The following COG5 variants were observed in gnomAD, a reference collection of about 807,000 sequenced individuals.
COG5 encodes conserved oligomeric Golgi complex subunit 5.
A neutral mutation model predicts 110.4 loss-of-function variants in COG5; 86 were observed. The observed-to-expected ratio is 0.78, with a 90% CI of 0.65 to 0.93. The LOEUF (loss-of-function observed/expected upper bound fraction) is 0.93, where lower values mean the gene tolerates loss of function less well. Among genes scored for constraint, COG5 ranks in the 40% least tolerant of loss-of-function variants. The pLI is 0.00. For missense variants in COG5, 1,077 were observed against 987.0 expected (o/e 1.09, Z -1.22); for synonymous variants, 360 against 334.6 (o/e 1.08, Z -0.83).
intron 7 of COG5, among the ~76,000 whole-genome samples, chr7:107,408,230 C>T (rs1284390210): frequency 6.6e-6 from 1 of 152,166 alleles, no homozygotes; most frequent in East Asian, 1.9e-4. Flanking sequence ...GTTTTCCTGC[C>T]TCAACAGCAG....
intron 19 of COG5, among the ~76,000 whole-genome samples, chr7:107,213,601 C>A (rs1422140419): frequency 6.6e-6 from 1 of 152,184 alleles, no homozygotes; most frequent in Non-Finnish European, 1.5e-5. Flanking sequence ...ATTGCAGTGG[C>A]CAGCCAGTAG....
intron 6 of COG5, among the ~76,000 whole-genome samples, chr7:107,494,175 A>T (rs1035461752): frequency 7.2e-5 from 11 of 152,290 alleles, no homozygotes; most frequent in Middle Eastern, 3.4e-3. Context: ...ACCTACACAG[A>T]TTGTTATCAA....
chr7:107,314,663 T>A (rs866058222), intron 11 of COG5, among the ~76,000 whole-genome samples: 3 of 150,928 alleles, frequency 2.0e-5, no homozygotes, highest in South Asian at 2.1e-4. Context: ...GCAGGAGAAT[T>A]GCTTGAACCC....
At chr7:107,493,430 T>C (rs1798088394) in intron 6 of COG5, among the ~76,000 whole-genome samples, 1 of 152,182 alleles carries the variant, frequency 6.6e-6, no homozygotes, top group Admixed American at 6.6e-5. Flanking sequence ...AGTAAATCCA[T>C]CAATTAGAAT....
chr7:107,385,935 T>A (rs1790156992), intron 7 of COG5, among the ~76,000 whole-genome samples: 1 of 151,918 alleles, frequency 6.6e-6, no homozygotes, highest in Admixed American at 6.6e-5. Flanking sequence ...CATCTGTATA[T>A]CTTCTTTGGA....
At chr7:107,264,851 C>T (rs1391800213) in intron 14 of COG5, among the ~76,000 whole-genome samples, 1 of 151,948 alleles carries the variant, frequency 6.6e-6, no homozygotes, top group Non-Finnish European at 1.5e-5. Context: ...AGGCAATTCA[C>T]ATGATGGAAC....
intron 19 of COG5, among the ~76,000 whole-genome samples, chr7:107,219,141 G>A (rs779239396): frequency 1.2e-4 from 18 of 152,132 alleles, no homozygotes; most frequent in Non-Finnish European, 1.9e-4. Context: ...ACCACAATGA[G>A]ATATCACCTC....
intron 7 of COG5, 51 bp from the exon 8 acceptor site, chr7:107,372,811 C>G (rs370486537): frequency 6.4e-7 from 1 of 1,558,210 alleles, no homozygotes; most frequent in South Asian, 1.1e-5. Flanking sequence ...GGAAAACAAA[C>G]AAAATCAACA....
chr7:107,294,758 TG>T lies in COG5; in HGVS notation c.1313+3383del, dbSNP rs540953348. On this transcript the variant is annotated intron_variant, in intron 12 of 21. Coordinates refer to ENST00000297135, the MANE Select transcript of COG5 (RefSeq NM_006348.5). ...TGAGACAGAATCTTGCTCTGTTGCC[TG>T]GGCTGGAGTGCAGTGGCGCGATCTC... Among the ~76,000 whole-genome samples the T allele has an allele frequency of 1.0e-3, 140 of 138,886 alleles. 1 individual carries two copies. The highest frequency in any genetic ancestry group is 3.6e-3 in the African/African-American group (133 of 37,368). 91.1% of individuals were successfully genotyped at this position (138,886 alleles called of 152,430 possible).
chr7:107,459,008 TACTC>T (rs1189001871), intron 6 of COG5, among the ~76,000 whole-genome samples: 15 of 151,532 alleles, frequency 9.9e-5, no homozygotes, highest in Non-Finnish European at 2.2e-4. Context: ...ATGTAAAAAT[TACTC>T]AATCCAAAAA....
chr7:107,256,520 A>C (rs1802890204), intron 16 of COG5, among the ~76,000 whole-genome samples: 1 of 152,188 alleles, frequency 6.6e-6, no homozygotes. Context: ...CATAAGTAGA[A>C]CACAATCTGT....
chr7:107,474,042 A>T lies in COG5; in HGVS notation c.538+53195T>A, dbSNP rs1448594465. 1.4e-6 allele frequency: 2 copies of T among 1,411,008 alleles called. No individual in the cohort carries two copies. The highest frequency in any genetic ancestry group is 1.9e-6 in the Non-Finnish European group (2 of 1,030,690). The allele number at this position is 1,411,008 out of a possible 1,614,324, so 87.4% of individuals were successfully genotyped here. A position where few individuals can be genotyped will look rare whatever the true frequency, so the allele number is the denominator to read the frequency against. On this transcript the variant is annotated intron_variant, in intron 6 of 21. Transcript: ENST00000297135. The surrounding 1 kb of genome is among the most constrained non-coding windows in gnomAD (Gnocchi z 5.7). ...TTCTATTTCACTTTCTAGGGAAAAA[A>T]ACCAACTGCTCCAAAAGAATGTGTT...
chr7:107,324,476 G>A lies in COG5; in HGVS notation c.1072C>T (p.Gln358Ter), dbSNP rs769748119. The change falls in exon 11 of 22, where the codon CAG becomes TAG. Residue 358 changes from glutamine (Q) to a stop codon, truncating the protein, a stop_gained. Transcript: ENST00000297135. LOFTEE classifies it high-confidence loss of function. The part of the protein sequence containing the change: ...IFYTFWNSVT[Q>*]ALSSQFHMAT... Reference sequence around the variant, plus strand: ...ATATGAAATTGAGAAGAAAGTGCCTGAGTAACTGAATTCCAAAATGTGTAG... The same window carrying A: ...ATATGAAATTGAGAAGAAAGTGCCTAAGTAACTGAATTCCAAAATGTGTAG... The A allele has an allele frequency of 6.2e-7, 1 of 1,606,042 alleles. No individual in the cohort carries two copies. The highest frequency in any genetic ancestry group is 1.7e-5 in the Admixed American group (1 of 59,812).
At chr7:107,409,565 C>T (rs1390597352) in intron 7 of COG5, among the ~76,000 whole-genome samples, 1 of 152,118 alleles carries the variant, frequency 6.6e-6, no homozygotes, top group Non-Finnish European at 1.5e-5. Flanking sequence ...TAAGATATAA[C>T]TAAGTAAACA....
intron 6 of COG5, among the ~76,000 whole-genome samples, chr7:107,414,819 T>A (rs944582306): frequency 1.4e-5 from 2 of 143,670 alleles, no homozygotes; most frequent in African/African-American, 5.0e-5. Flanking sequence ...CTCCGCCCGC[T>A]GGGTTCAAAG....
chr7:107,274,556 C>T (rs139055257), intron 14 of COG5, among the ~76,000 whole-genome samples: 1 of 152,028 alleles, frequency 6.6e-6, no homozygotes, highest in South Asian at 2.1e-4. Flanking sequence ...ATTAGAGCTA[C>T]GTATAATAGA....
intron 6 of COG5, among the ~76,000 whole-genome samples, chr7:107,469,563 C>T (rs1413830256): frequency 1.3e-5 from 2 of 152,086 alleles, no homozygotes; most frequent in African/African-American, 4.8e-5. Context: ...GAGATGCTCA[C>T]AACAATTTGG....
At chr7:107,342,036 T>C (rs927323908) in intron 10 of COG5, among the ~76,000 whole-genome samples, 1 of 152,112 alleles carries the variant, frequency 6.6e-6, no homozygotes, top group Non-Finnish European at 1.5e-5. Context: ...TGAGGCCTAA[T>C]TAGGCTTAAG....
At chr7:107,303,865 T>G (rs1453969073) in intron 11 of COG5, among the ~76,000 whole-genome samples, 1 of 152,176 alleles carries the variant, frequency 6.6e-6, no homozygotes, top group Non-Finnish European at 1.5e-5. Flanking sequence ...ATCAAATAAT[T>G]TATACAAGGA....
Sources: gnomAD v4.1 joint callset for allele counts (sites outside exome capture counted in the v4.1 genomes callset) on GRCh38, gnomAD v4.1.1 for gene constraint, Gnocchi (gnomAD v3.1) non-coding constraint, MANE v1.5 for transcripts, NCBI Gene and HGNC (gene_info 2026-07-23, HGNC 2026-07-21) for gene names.